CLPB: variants seen among roughly 807,000 people sequenced by gnomAD.
CLPB encodes the protein ClpB family mitochondrial disaggregase.
A neutral mutation model predicts 78.4 loss-of-function variants in CLPB; 40 were observed. The ratio of observed to expected loss-of-function variants is 0.51; its 90% CI spans 0.40 to 0.66. CLPB has a LOEUF of 0.66. CLPB is among the 30% of genes least tolerant of loss of function. The pLI, the probability that CLPB is intolerant of heterozygous loss-of-function variation, is 0.00. For missense variants in CLPB, 780 were observed against 886.9 expected, an observed-to-expected ratio of 0.88 and a Z score of 1.53; for synonymous variants, 333 against 348.0, an observed-to-expected ratio of 0.96 and a Z score of 0.48.
intron 6 of CLPB, among the ~76,000 whole-genome samples, chr11:72,321,273 A>G (rs1358938926): frequency 6.6e-6 from 1 of 152,194 alleles, no homozygotes; most frequent in Non-Finnish European, 1.5e-5. Flanking sequence ...CTGCAGAAGC[A>G]GAGGGCACTG....
rs150552809 is a variant in CLPB, at chr11:72,373,000, C to T, written c.646+7281G>A. 4.2e-4 allele frequency: 671 copies of T among 1,614,092 alleles called. 1 individual carries two copies. The African/African-American group carries it at 8.0e-3, about 19-fold the overall frequency. On this transcript the variant is annotated intron_variant, in intron 4 of 15. Transcript: ENST00000538039. ...TGGTTTGTGATGTGCCGGCTTGCACCGTCCTGTCCCCCATCTGAAGACACA... is the reference window on the plus strand; with the variant it reads ...TGGTTTGTGATGTGCCGGCTTGCACTGTCCTGTCCCCCATCTGAAGACACA...
intron 2 of CLPB, among the ~76,000 whole-genome samples, chr11:72,421,371 C>G (rs141627702): frequency 1.3e-5 from 2 of 152,222 alleles, no homozygotes; most frequent in East Asian, 3.9e-4. Context: ...TTATCTAATT[C>G]GACATGAGAC....
chr11:72,426,150 T>C (rs1335148986), intron 2 of CLPB, among the ~76,000 whole-genome samples: 3 of 152,102 alleles, frequency 2.0e-5, no homozygotes, highest in Non-Finnish European at 4.4e-5. Context: ...AGAGACTGCT[T>C]GGGCTGATGA....
chr11:72,413,650 G>C (rs1005204447), intron 2 of CLPB, among the ~76,000 whole-genome samples: 1 of 152,166 alleles, frequency 6.6e-6, no homozygotes, highest in African/African-American at 2.4e-5. Context: ...CTGTGATCCA[G>C]ATGAAAGCCA....
At chr11:72,411,991 C>T (rs1408650037) in intron 2 of CLPB, 1 of 152,236 alleles carries the variant, frequency 6.6e-6, no homozygotes, top group Admixed American at 6.5e-5. Flanking sequence ...AATAACAGCA[C>T]CAGGCCCTGC....
At chr11:72,432,705 G>C (rs1565106426) in intron 1 of CLPB, among the ~76,000 whole-genome samples, 1 of 152,202 alleles carries the variant, frequency 6.6e-6, no homozygotes, top group Non-Finnish European at 1.5e-5. Context: ...TCATTTTGTA[G>C]ATGAGGAAAC....
In CLPB at chr11:72,356,211, G is replaced by C. The variant is rs1313471680; in HGVS notation, c.775+2669C>G. Reference sequence around the variant, plus strand: ...AAGGTAGGAGAATCGCTTGAAGGCGGAGGTTGTGGCAAGCCGAGATCGCGC... The same window carrying C: ...AAGGTAGGAGAATCGCTTGAAGGCGCAGGTTGTGGCAAGCCGAGATCGCGC... On this transcript the variant is annotated intron_variant, in intron 5 of 15. Coordinates refer to ENST00000538039, the MANE Select transcript of CLPB (RefSeq NM_001258392.3). Among the ~76,000 whole-genome samples the C allele has an allele frequency of 3.3e-5, 5 of 151,742 alleles. No homozygotes were observed. The East Asian group carries it at 9.7e-4, about 29-fold the overall frequency.
At chr11:72,338,110 C>T (rs1950354431) in intron 5 of CLPB, among the ~76,000 whole-genome samples, 2 of 152,166 alleles carry the variant, frequency 1.3e-5, no homozygotes, top group South Asian at 4.1e-4. Flanking sequence ...TGTTCTTGCC[C>T]TTGAGCAGAA....
chr11:72,372,895 G>T, intron 4 of CLPB: 1 of 1,583,844 alleles, frequency 6.3e-7, no homozygotes, highest in Non-Finnish European at 8.7e-7. Context: ...TGGGGAGGGG[G>T]AGAAATATTA....
At chr11:72,402,029 T>A (rs1590900385) in intron 3 of CLPB, among the ~76,000 whole-genome samples, 1 of 151,234 alleles carries the variant, frequency 6.6e-6, no homozygotes. Flanking sequence ...AGGCTGAGGG[T>A]GCAGGAGCAC....
intron 1 of CLPB, among the ~76,000 whole-genome samples, chr11:72,432,389 C>T (rs1856571885): frequency 6.6e-6 from 1 of 152,148 alleles, no homozygotes; most frequent in African/African-American, 2.4e-5. Flanking sequence ...AGATCACTCC[C>T]CTTTCCGTTT....
chr11:72,408,842 T>C (rs1855791976), intron 2 of CLPB, among the ~76,000 whole-genome samples: 1 of 152,160 alleles, frequency 6.6e-6, no homozygotes, highest in South Asian at 2.1e-4. Context: ...TGCAAGTGAA[T>C]GCACAGTGGG....
chr11:72,339,631 T>G (rs1407824313), intron 5 of CLPB, among the ~76,000 whole-genome samples: 3 of 152,230 alleles, frequency 2.0e-5, no homozygotes, highest in African/African-American at 7.2e-5. Context: ...AAAGATATTT[T>G]TTTGAGTCTT....
intron 2 of CLPB, 25 bp downstream of exon 2, chr11:72,430,287 G>C (rs368506661): frequency 1.9e-5 from 31 of 1,610,064 alleles, no homozygotes; most frequent in Non-Finnish European, 2.4e-5. Flanking sequence ...CTGTAGGGGA[G>C]AGCAAGGCCT....
At chr11:72,424,803 A>G (rs1032662159) in intron 2 of CLPB, among the ~76,000 whole-genome samples, 1 of 151,902 alleles carries the variant, frequency 6.6e-6, no homozygotes, top group African/African-American at 2.4e-5. Flanking sequence ...GGAGAATGGC[A>G]TGAACCCGGG....
intron 2 of CLPB, among the ~76,000 whole-genome samples, chr11:72,425,207 A>C (rs1046079430): frequency 6.6e-6 from 1 of 152,232 alleles, no homozygotes; most frequent in Admixed American, 6.5e-5. Context: ...TGGCCCCAGT[A>C]AACTCTTTCT....
At chr11:72,325,263 A>C (rs756559189) in intron 6 of CLPB, among the ~76,000 whole-genome samples, 40 of 152,204 alleles carry the variant, frequency 2.6e-4, no homozygotes, top group Non-Finnish European at 5.6e-4. Flanking sequence ...AAATCCTTCA[A>C]GGTGAGATTA....
rs553199435 is a variant in CLPB at position 72,312,762 on chromosome 11, G to A, written c.989-4158C>T. Among the ~76,000 whole-genome samples the A allele has an allele frequency of 6.6e-6, 1 of 152,278 alleles. No homozygotes were observed. Among genetic ancestry groups the A allele is most frequent in the South Asian group, 2.1e-4 (1 of 4,820 alleles). On this transcript the variant is annotated intron_variant, in intron 7 of 15. Coordinates refer to ENST00000538039, the MANE Select transcript of CLPB (RefSeq NM_001258392.3). This position sits in a 1 kb window ranked among gnomAD's most constrained non-coding sequence, Gnocchi z 4.2. ...CCTTATGTATTTGTTTAGCAAAAAAGCTCTGTGCTAGGTGCGGCGGCTCTC... is the reference window on the plus strand; with the variant it reads ...CCTTATGTATTTGTTTAGCAAAAAAACTCTGTGCTAGGTGCGGCGGCTCTC...
At chr11:72,333,507 T>C (rs1950265264) in intron 5 of CLPB, among the ~76,000 whole-genome samples, 1 of 152,246 alleles carries the variant, frequency 6.6e-6, no homozygotes, top group African/African-American at 2.4e-5. Context: ...AAAACCACTT[T>C]TCAGGTTTTC....
Sources: gnomAD v4.1 joint callset for allele counts (sites outside exome capture counted in the v4.1 genomes callset) on GRCh38, gnomAD v4.1.1 for gene constraint, Gnocchi (gnomAD v3.1) non-coding constraint, MANE v1.5 for transcripts, NCBI Gene and HGNC (gene_info 2026-07-23, HGNC 2026-07-21) for gene names.